The following CNTNAP5 variants were observed in gnomAD, a reference collection of about 807,000 sequenced individuals.
CNTNAP5 encodes the protein contactin associated protein family member 5, also known as contactin-associated protein-like 5.
CNTNAP5 carries 72 observed loss-of-function variants against 150.2 expected under a neutral mutation model. The ratio of observed to expected loss-of-function variants is 0.48; its 90% confidence interval spans 0.40 to 0.58. The LOEUF (loss-of-function observed/expected upper bound fraction) is 0.58, where lower values mean the gene tolerates loss of function less well. Among genes scored for constraint, CNTNAP5 ranks in the 20% least tolerant of loss-of-function variants. The probability of loss-of-function intolerance (pLI) is 0.00; values close to 1 mark genes in which losing one functional copy is unlikely to be tolerated. For synonymous variants in CNTNAP5, 672 were observed against 619.8 expected, an observed-to-expected ratio of 1.08 and a Z score of -1.25; for missense variants, 1,636 against 1,626.2, an observed-to-expected ratio of 1.01 and a Z score of -0.10.
At chr2:124,207,664 G>T (rs1432831653) in intron 1 of CNTNAP5, among the ~76,000 whole-genome samples, 1 of 152,122 alleles carries the variant, frequency 6.6e-6, no homozygotes, top group Non-Finnish European at 1.5e-5. Context: ...TTTTCCCAGG[G>T]TTGTAATTGC....
At chr2:124,220,525 T>A (rs1318186259) in intron 1 of CNTNAP5, among the ~76,000 whole-genome samples, 1 of 152,138 alleles carries the variant, frequency 6.6e-6, no homozygotes, top group African/African-American at 2.4e-5. Context: ...ATAAGTGAAT[T>A]ATTACAAAAA....
intron 10 of CNTNAP5, among the ~76,000 whole-genome samples, chr2:124,530,896 G>A (rs1695089030): frequency 6.6e-6 from 1 of 152,074 alleles, no homozygotes; most frequent in Non-Finnish European, 1.5e-5. Flanking sequence ...TTGACTTGAA[G>A]TAGGCAAAAC....
intron 14 of CNTNAP5, among the ~76,000 whole-genome samples, chr2:124,751,190 TA>T (rs1680719790): frequency 7.0e-6 from 1 of 141,892 alleles, no homozygotes; most frequent in African/African-American, 2.7e-5. Flanking sequence ...GTTAAATAAA[TA>T]AACAAACTGG....
At chr2:124,836,772 A>G (rs1330102941) in intron 19 of CNTNAP5, among the ~76,000 whole-genome samples, 1 of 152,098 alleles carries the variant, frequency 6.6e-6, no homozygotes, top group Non-Finnish European at 1.5e-5. Context: ...GAGTGTCAGT[A>G]TATAAATATG....
intron 13 of CNTNAP5, among the ~76,000 whole-genome samples, chr2:124,697,509 A>G (rs1993274): frequency 5.3e-5 from 8 of 151,608 alleles, no homozygotes; most frequent in Admixed American, 3.9e-4. Context: ...TCAATACTTG[A>G]CTTTTTTTCT....
chr2:124,109,748 G>A (rs1013694416), intron 1 of CNTNAP5, among the ~76,000 whole-genome samples: 1 of 152,106 alleles, frequency 6.6e-6, no homozygotes, highest in Non-Finnish European at 1.5e-5. Context: ...AGGGTATAAT[G>A]TTAAATAGCA....
At chr2:124,406,674 G>A (rs1202306462) in intron 3 of CNTNAP5, among the ~76,000 whole-genome samples, 15 of 152,126 alleles carry the variant, frequency 9.9e-5, no homozygotes. Flanking sequence ...ATCAGCTCAA[G>A]CATTTATCAT....
chr2:124,113,697 C>A (rs1683356785), intron 1 of CNTNAP5, among the ~76,000 whole-genome samples: 1 of 151,716 alleles, frequency 6.6e-6, no homozygotes, highest in South Asian at 2.1e-4. Context: ...AATGTTTTTC[C>A]TTATAGCCTC....
intron 4 of CNTNAP5, among the ~76,000 whole-genome samples, chr2:124,424,929 C>T (rs747275240): frequency 6.6e-6 from 1 of 152,102 alleles, no homozygotes; most frequent in Non-Finnish European, 1.5e-5. Context: ...GAATTAATGC[C>T]CTGCTGCCCA....
intron 11 of CNTNAP5, among the ~76,000 whole-genome samples, chr2:124,609,486 G>A (rs755968175): frequency 5.3e-5 from 8 of 151,966 alleles, no homozygotes; most frequent in Non-Finnish European, 1.2e-4. Context: ...CCAGCTACTC[G>A]GGAGACTGAA....
chr2:124,415,362 G>T lies in CNTNAP5; in HGVS notation c.382-2081G>T, dbSNP rs528344611. Among the ~76,000 whole-genome samples, 84 of 152,292 alleles carry T rather than the reference G, an allele frequency of 5.5e-4. No homozygotes were observed. The Middle Eastern group carries it at 0.01, about 19-fold the overall frequency. ...CTTTATAAGCCACTTTGTGATACAT[G>T]ATAGTAATTACATCAATCGCCTAAT... On this transcript the variant is annotated intron_variant, in intron 3 of 23. Coordinates refer to ENST00000682447, the MANE Select transcript of CNTNAP5 (RefSeq NM_001367498.1).
chr2:124,262,942 T>A (rs1687496953), intron 3 of CNTNAP5, among the ~76,000 whole-genome samples: 1 of 151,968 alleles, frequency 6.6e-6, no homozygotes, highest in Non-Finnish European at 1.5e-5. Flanking sequence ...GAATGATGGT[T>A]TCCAGCTTCA....
At chr2:124,870,925 G>A (rs537442619) in intron 21 of CNTNAP5, among the ~76,000 whole-genome samples, 1 of 152,020 alleles carries the variant, frequency 6.6e-6, no homozygotes, top group South Asian at 2.1e-4. Flanking sequence ...CTTCATAAAG[G>A]GTTTATAATT....
intron 2 of CNTNAP5, among the ~76,000 whole-genome samples, chr2:124,233,198 AC>A (rs1187463243): frequency 6.6e-6 from 1 of 152,174 alleles, no homozygotes; most frequent in African/African-American, 2.4e-5. Flanking sequence ...AGCCTGCCCA[AC>A]ATCTCAGCCA....
At chr2:124,831,045 C>T (rs947283964) in intron 19 of CNTNAP5, among the ~76,000 whole-genome samples, 1 of 151,960 alleles carries the variant, frequency 6.6e-6, no homozygotes, top group East Asian at 1.9e-4. Flanking sequence ...ATTTTTCTAA[C>T]ATAACTGACA....
chr2:124,493,630 C>T (rs1257898387), intron 7 of CNTNAP5, among the ~76,000 whole-genome samples: 1 of 152,052 alleles, frequency 6.6e-6, no homozygotes, highest in Non-Finnish European at 1.5e-5. Context: ...TGAGCCACCG[C>T]ATCCTGCCTT....
chr2:124,132,140 C>T (rs1322650958), intron 1 of CNTNAP5, among the ~76,000 whole-genome samples: 1 of 152,126 alleles, frequency 6.6e-6, no homozygotes, highest in Non-Finnish European at 1.5e-5. Flanking sequence ...ACCGACAGTG[C>T]CATTGGGTTT....
intron 1 of CNTNAP5, among the ~76,000 whole-genome samples, chr2:124,086,188 CTTTTTTTTTT>C (rs57849633): frequency 7.3e-5 from 6 of 82,012 alleles, no homozygotes; most frequent in Non-Finnish European, 8.8e-5. Flanking sequence ...GGTGTACACA[CTTTTTTTTTT>C]TTTTTTTTTT....
At chr2:124,779,715 G>A (rs1443736841) in intron 17 of CNTNAP5, among the ~76,000 whole-genome samples, 1 of 152,020 alleles carries the variant, frequency 6.6e-6, no homozygotes, top group African/African-American at 2.4e-5. Context: ...ATTACCCTTT[G>A]AAGGTCCTGG....
Sources: gnomAD v4.1 joint callset for allele counts (sites outside exome capture counted in the v4.1 genomes callset) on GRCh38, gnomAD v4.1.1 for gene constraint, MANE v1.5 for transcripts, NCBI Gene and HGNC (gene_info 2026-07-23, HGNC 2026-07-21) for gene names.